Variants in FBXO44 observed in about 807,000 individuals in gnomAD.
The protein encoded by FBXO44 is F-box protein 44.
In FBXO44, 25 loss-of-function variants were observed where a neutral mutation model predicts 33.5. The observed-to-expected ratio is 0.75, with a 90% CI of 0.54 to 1.04. The LOEUF is 1.04. Among genes scored for constraint, FBXO44 ranks in the 50% least tolerant of loss-of-function variants. FBXO44 has a pLI of 0.00. For missense variants in FBXO44, 311 were observed against 344.0 expected, an observed-to-expected ratio of 0.90 and a Z score of 0.76; for synonymous variants, 147 against 152.8, an observed-to-expected ratio of 0.96 and a Z score of 0.28.
rs772479662 is a variant in FBXO44 at position 11,655,825 on chromosome 1, AG to A, written c.-10del. 1 of 1,611,814 alleles carries A rather than the reference AG, an allele frequency of 6.2e-7. No homozygotes were observed. Among genetic ancestry groups the A allele is most frequent in the Non-Finnish European group, 8.5e-7 (1 of 1,178,360 alleles). Reference sequence around the variant, plus strand: ...CAACAGCTACAGGAGGGTGTCCAGAAGCCACAAGCCATGGCTGTGGGGAACA... The same window carrying A: ...CAACAGCTACAGGAGGGTGTCCAGAACCACAAGCCATGGCTGTGGGGAACA... On this transcript the variant is annotated 5_prime_UTR_variant, in exon 2 of 6. Coordinates refer to ENST00000251547, the MANE Select transcript of FBXO44 (RefSeq NM_033182.7).
intron 2 of FBXO44, among the ~76,000 whole-genome samples, chr1:11,657,899 G>A (rs1639915188): frequency 6.6e-6 from 1 of 152,150 alleles, no homozygotes; most frequent in African/African-American, 2.4e-5. Context: ...TCTTACTCCA[G>A]TTTACAGAGG....
chr1:11,660,909 C>G (rs1369150572), intron 5 of FBXO44, among the ~76,000 whole-genome samples: 2 of 152,150 alleles, frequency 1.3e-5, no homozygotes, highest in Non-Finnish European at 2.9e-5. Flanking sequence ...CTCAGCCTGC[C>G]TAGAACTACA....
chr1:11,658,511 C>A, intron 3 of FBXO44, 22 bp from the exon 4 acceptor site: 1 of 1,609,760 alleles, frequency 6.2e-7, no homozygotes, highest in Non-Finnish European at 8.5e-7. Context: ...CCAGCCCCTC[C>A]CACCCCTCTG....
intron 5 of FBXO44, among the ~76,000 whole-genome samples, chr1:11,660,918 C>G (rs766850076): frequency 6.6e-6 from 1 of 152,138 alleles, no homozygotes; most frequent in African/African-American, 2.4e-5. Context: ...CCTAGAACTA[C>G]AGGCACACAC....
At position 11,658,385 on chromosome 1, in the gene FBXO44, T is replaced by C. The variant is rs1222833101; in HGVS notation, c.384T>C (p.Thr128=). The change falls in exon 3 of 6, where the codon ACT becomes ACC. Residue 128 remains threonine, a synonymous_variant. Coordinates refer to ENST00000251547, the MANE Select transcript of FBXO44 (RefSeq NM_033182.7). ...PNDQVKKYFV[T]SYYTCLKSQV... is the part of the protein sequence containing the mutation. Reference sequence around the variant, plus strand: ...ACCAGGTCAAGAAATACTTCGTTACTTCATATTAGTAAGATCCGGGGACTT... The same window carrying C: ...ACCAGGTCAAGAAATACTTCGTTACCTCATATTAGTAAGATCCGGGGACTT... The C allele has an allele frequency of 6.2e-7, 1 of 1,613,890 alleles. No homozygotes were observed. Among genetic ancestry groups the C allele is most frequent in the South Asian group, 1.1e-5 (1 of 91,052 alleles).
Position 11,656,009 on chromosome 1 carries a change from T to G in FBXO44, c.174T>G (p.Thr58=), listed in dbSNP as rs145432128. The change falls in exon 2 of 6, where the codon ACT becomes ACG. Residue 58 remains threonine (T), a synonymous_variant. Transcript: ENST00000251547. ...AGTGCCTGCGAGAGGGCTTCATCAC[T>G]GAGGACTGGGACCAGCCCGTGGCCG... ...KRKCLREGFI[T]EDWDQPVADW... 6.2e-7 allele frequency: 1 copy of G among 1,614,132 alleles called. No individual in the cohort carries two copies. Among genetic ancestry groups the G allele is most frequent in the South Asian group, 1.1e-5 (1 of 91,086 alleles).
intron 2 of FBXO44, 134 bp downstream of exon 2, chr1:11,656,234 G>T: frequency 8.1e-7 from 1 of 1,229,842 alleles, no homozygotes; most frequent in South Asian, 1.5e-5. Context: ...ACCCAAAGAG[G>T]TAGCTACTGT....
intron 1 of FBXO44, chr1:11,655,210 G>A (rs1639693276): frequency 6.6e-6 from 1 of 151,612 alleles, no homozygotes; most frequent in South Asian, 2.1e-4. Flanking sequence ...GGAGGCTGCA[G>A]GCGCGCTGGC....
chr1:11,659,580 C>CA (rs1362556605), intron 5 of FBXO44, among the ~76,000 whole-genome samples: 2 of 152,142 alleles, frequency 1.3e-5, no homozygotes, highest in Non-Finnish European at 2.9e-5. Flanking sequence ...ACTGCAGACT[C>CA]AAACTCTTAG....
chr1:11,659,203 C>T (rs41274542), intron 5 of FBXO44, among the ~76,000 whole-genome samples: 11 of 152,180 alleles, frequency 7.2e-5, no homozygotes, highest in African/African-American at 2.7e-4. Context: ...GCCTGACCAA[C>T]AGGGAGAAAC....
At chr1:11,659,333 G>A (rs1319393648) in intron 5 of FBXO44, among the ~76,000 whole-genome samples, 1 of 152,036 alleles carries the variant, frequency 6.6e-6, no homozygotes, top group Non-Finnish European at 1.5e-5. Flanking sequence ...AGCCGAGATC[G>A]CGCCATTGCA....
chr1:11,659,716 G>A (rs888127289), intron 5 of FBXO44, among the ~76,000 whole-genome samples: 10 of 151,868 alleles, frequency 6.6e-5, no homozygotes, highest in South Asian at 2.1e-4. Flanking sequence ...GGCTGGTCTC[G>A]CACTCCTGGC....
chr1:11,654,465 C>G, upstream of FBXO44: 1 of 966,622 alleles, frequency 1.0e-6, no homozygotes, highest in Non-Finnish European at 1.4e-6. Flanking sequence ...TTAAAGGCCC[C>G]CGACCCGACC....
Position 11,658,739 on chromosome 1 carries a change from C to T in FBXO44, c.492C>T (p.Phe164=), listed in dbSNP as rs200887520. The change falls in exon 5 of 6, where the codon TTC becomes TTT. Residue 164 remains phenylalanine, a synonymous_variant. Coordinates refer to ENST00000251547, the MANE Select transcript of FBXO44 (RefSeq NM_033182.7). ...TRPDIEVKDW[F]AARPDCGSKY... is the part of the protein sequence containing the mutation. ...TGGGCCCTCCCTCTCCCTGCAGGTT[C>T]GCAGCCAGGCCAGATTGCGGGTCCA... The T allele has an allele frequency of 6.8e-5, 110 of 1,613,624 alleles. No homozygotes were observed. The highest frequency in any genetic ancestry group is 8.8e-5 in the South Asian group (8 of 91,068).
In FBXO44 at chr1:11,658,779, G is replaced by A. The variant is rs202223354; in HGVS notation, c.532G>A (p.Val178Ile). 3.0e-4 allele frequency: 479 copies of A among 1,613,874 alleles called. 1 individual carries two copies. Among genetic ancestry groups the A allele is most frequent in the Non-Finnish European group, 3.7e-4 (433 of 1,180,012 alleles). ...TTGCGGGTCCAAGTACCAGCTGTGCGTTCAGCTCCTGTCGTCCGCGCACGC... is the reference window on the plus strand; with the variant it reads ...TTGCGGGTCCAAGTACCAGCTGTGCATTCAGCTCCTGTCGTCCGCGCACGC... Reference protein sequence around the residue: ...PDCGSKYQLCVQLLSSAHAPL... With the variant: ...PDCGSKYQLCIQLLSSAHAPL... Residue 178 changes from valine to isoleucine, a missense_variant, in exon 5 of 6, where the codon GTT (valine) becomes ATT (isoleucine). Val to Ile is a conservative substitution (Grantham distance 29, BLOSUM62 3). Coordinates refer to ENST00000251547, the MANE Select transcript of FBXO44 (RefSeq NM_033182.7).
rs1640013256 is a variant in FBXO44, at chr1:11,658,974, G to GT, written c.624+104dup. ...ATCCAAGCTCTGCACCTTCTCACCT[G>GT]TGCTTCCAATGCTCTGAGCTTCACT... On this transcript the variant is annotated intron_variant, in intron 5 of 5. Transcript: ENST00000251547. The GT allele has an allele frequency of 3.5e-6, 5 of 1,431,152 alleles. No homozygotes were observed. In the South Asian group the frequency reaches 3.7e-5, roughly 11 times the overall value. 88.7% of individuals were successfully genotyped at this position (1,431,152 alleles called of 1,614,324 possible).
intron 5 of FBXO44, among the ~76,000 whole-genome samples, chr1:11,660,406 C>G (rs1235012572): frequency 1.3e-5 from 2 of 152,172 alleles, no homozygotes; most frequent in South Asian, 4.2e-4. Flanking sequence ...GTGATCCACC[C>G]GCCTCAGCCT....
Position 11,658,563 on chromosome 1 carries a change from C to T in FBXO44, c.423C>T (p.Leu141=), listed in dbSNP as rs757562345. The T allele has an allele frequency of 1.1e-5, 17 of 1,613,394 alleles. No homozygotes were observed. In the South Asian group the frequency reaches 1.8e-4, roughly 17 times the overall value. The part of the protein sequence containing the change: ...YTCLKSQVVD[L]KAEGYWEELM... ...GCCTCAAGTCCCAGGTGGTGGACCT[C>T]AAGGCCGAAGGGTATTGGGAGGAGC... The change falls in exon 4 of 6, where the codon CTC becomes CTT. Residue 141 remains leucine, a synonymous_variant. Transcript: ENST00000251547.
Position 11,656,755 on chromosome 1 carries a change from G to A in FBXO44, c.265+655G>A, listed in dbSNP as rs1051512622. Among the ~76,000 whole-genome samples the A allele has an allele frequency of 1.7e-4, 26 of 152,254 alleles. No homozygotes were observed. In the East Asian group the frequency reaches 3.9e-3, roughly 23 times the overall value. On this transcript the variant is annotated intron_variant, in intron 2 of 5. Coordinates refer to ENST00000251547, the MANE Select transcript of FBXO44 (RefSeq NM_033182.7). ...TGGGATTACACGCATGAGCCACCGC[G>A]CCCGGCCTCTTATTCTGCTCTTAAG...
Sources: gnomAD v4.1 joint callset for allele counts (sites outside exome capture counted in the v4.1 genomes callset) on GRCh38, gnomAD v4.1.1 for gene constraint, MANE v1.5 for transcripts, NCBI Gene and HGNC (gene_info 2026-07-23, HGNC 2026-07-21) for gene names.